Variants in C6orf120 observed in about 807,000 individuals in gnomAD.
C6orf120 encodes the protein UPF0669 protein C6orf120.
For missense variants in C6orf120, 311 were observed against 264.2 expected, an observed-to-expected ratio of 1.18 and a Z score of -1.23; for synonymous variants, 165 against 123.1, an observed-to-expected ratio of 1.34 and a Z score of -2.25.
chr6:169,702,736 G>C (rs1788434366), exon 1 of C6orf120: 1 of 1,613,518 alleles, frequency 6.2e-7, no homozygotes, highest in Non-Finnish European at 8.5e-7. Context: ...CGACGACTAC[G>C]AGCTGCAATC....
At chr6:169,702,870 C>A in exon 1 of C6orf120, 1 of 1,611,916 alleles carries the variant, frequency 6.2e-7, no homozygotes, top group Non-Finnish European at 8.5e-7. Flanking sequence ...ACTACGACGG[C>A]ACGGTCGAGC....
chr6:169,705,067 G>A, downstream of C6orf120: 1 of 1,232,210 alleles, frequency 8.1e-7, no homozygotes, highest in Non-Finnish European at 1.1e-6. Context: ...CGTTTATGCA[G>A]CCTTTTGGAG....
At chr6:169,705,578 C>A, downstream of C6orf120, 1 of 1,038,842 alleles carries the variant, frequency 9.6e-7, no homozygotes, top group Non-Finnish European at 1.5e-6. Flanking sequence ...CCAATAAATA[C>A]GGTGGTTAAA....
At chr6:169,703,108 A>G in exon 1 of C6orf120, 1 of 1,434,992 alleles carries the variant, frequency 7.0e-7, no homozygotes. Flanking sequence ...GAACCTTGCT[A>G]CTTGTACTTG....
exon 1 of C6orf120, chr6:169,703,840 C>G: frequency 1.7e-6 from 1 of 588,506 alleles, no homozygotes; most frequent in South Asian, 2.4e-5. Context: ...AATTCTCTAC[C>G]TGGAGTTAGT....
At position 169,702,241 on chromosome 6, in the gene C6orf120, C is replaced by CTGCCCT. The variant is rs1369291312; in HGVS notation, c.-218_-213dup. 3 of 693,038 alleles carry CTGCCCT rather than the reference C, an allele frequency of 4.3e-6. No homozygotes were observed. Among genetic ancestry groups the CTGCCCT allele is most frequent in the Non-Finnish European group, 5.3e-6 (2 of 379,950 alleles). The allele number at this position is 693,038 out of a possible 1,614,324, so 42.9% of individuals were successfully genotyped here. On this transcript the variant is annotated 5_prime_UTR_variant, in exon 1 of 1. It removes the in-frame stop codon of an upstream open reading frame in the 5' UTR. Coordinates refer to ENST00000332290, the Ensembl canonical transcript of C6orf120. ...AGCGGCCCTGCCCCTGCCCCTGCCC[C>CTGCCCT]TGCCCTGAGTGGGCGCCGCGCTACG...
chr6:169,702,809 G>T (rs201427999), exon 1 of C6orf120: 1 of 1,612,884 alleles, frequency 6.2e-7, no homozygotes, highest in South Asian at 1.1e-5. Flanking sequence ...GTGGGCATCG[G>T]CGTCTATGGA....
chr6:169,704,132 A>G (rs985373448), exon 1 of C6orf120: 2 of 1,445,656 alleles, frequency 1.4e-6, no homozygotes, highest in Non-Finnish European at 1.9e-6. Context: ...TTATCTTTAC[A>G]GGACTGAATT....
chr6:169,704,313 G>C (rs988875585), exon 1 of C6orf120: 1 of 493,800 alleles, frequency 2.0e-6, no homozygotes. Context: ...TGGGAGAGAT[G>C]CAATGCCATA....
Position 169,703,091 on chromosome 6 carries a change from T to G in C6orf120, c.*56T>G, listed in dbSNP as rs534537361. ...CTCCATCTGTGAAGCTGATTGCAGTTTGCTGTGAACCTTGCTACTTGTACT... is the reference window on the plus strand; with the variant it reads ...CTCCATCTGTGAAGCTGATTGCAGTGTGCTGTGAACCTTGCTACTTGTACT... On this transcript the variant is annotated 3_prime_UTR_variant, in exon 1 of 1. Coordinates refer to ENST00000332290, the Ensembl canonical transcript of C6orf120. The G allele has an allele frequency of 4.0e-6, 6 of 1,502,458 alleles. No individual in the cohort carries two copies. In the Admixed American group the frequency reaches 1.0e-4, roughly 26 times the overall value. 93.1% of individuals were successfully genotyped at this position (1,502,458 alleles called of 1,614,324 possible).
At chr6:169,703,523 T>C in exon 1 of C6orf120, 1 of 199,554 alleles carries the variant, frequency 5.0e-6, no homozygotes, top group Non-Finnish European at 1.1e-5. Flanking sequence ...TACTTTTCTA[T>C]ACAAAAAGGA....
chr6:169,704,023 TCCC>T (rs779587210), exon 1 of C6orf120: 2 of 1,601,634 alleles, frequency 1.2e-6, no homozygotes, highest in Non-Finnish European at 8.5e-7. Context: ...TTGCTGTTTT[TCCC>T]CCTTCTGCCC....
chr6:169,705,516 T>C, downstream of C6orf120: 1 of 783,656 alleles, frequency 1.3e-6, no homozygotes, highest in Non-Finnish European at 2.2e-6. Context: ...GTATTTAATT[T>C]GGTGACTCTT....
At chr6:169,705,199 T>G, downstream of C6orf120, 1 of 1,613,884 alleles carries the variant, frequency 6.2e-7, no homozygotes, top group Non-Finnish European at 8.5e-7. Flanking sequence ...TCACAGAACA[T>G]CATTTCTTCT....
exon 1 of C6orf120, chr6:169,702,699 C>G (rs756364553): frequency 1.9e-6 from 3 of 1,613,502 alleles, no homozygotes; most frequent in South Asian, 1.1e-5. Context: ...ATCTGTACGT[C>G]TCCGCCAGCA....
At chr6:169,702,307 C>A in exon 1 of C6orf120, 1 of 663,922 alleles carries the variant, frequency 1.5e-6, no homozygotes, top group South Asian at 1.6e-5. Context: ...GGGCCTCACG[C>A]GGGTGGGAAG....
exon 1 of C6orf120, chr6:169,702,363 C>G (rs1788341389): frequency 1.3e-6 from 1 of 749,324 alleles, no homozygotes; most frequent in Admixed American, 2.9e-5. Flanking sequence ...GCCGTGGACC[C>G]GCGTGCGGAC....
chr6:169,705,376 G>T, downstream of C6orf120: 2 of 1,253,718 alleles, frequency 1.6e-6, no homozygotes, highest in Non-Finnish European at 2.3e-6. Flanking sequence ...AACTTAATAT[G>T]GCACATAAAA....
exon 1 of C6orf120, chr6:169,704,851 G>T: frequency 3.3e-6 from 1 of 298,574 alleles, no homozygotes. Context: ...AAAAATAAAG[G>T]CTTTGTTACT....
Sources: gnomAD v4.1 joint callset for allele counts on GRCh38, gnomAD v4.1.1 for gene constraint, MANE v1.5 for transcripts, NCBI Gene and HGNC (gene_info 2026-07-23, HGNC 2026-07-21) for gene names.